Variants in L3MBTL3 observed in about 807,000 individuals in gnomAD.
L3MBTL3 encodes lethal(3)malignant brain tumor-like protein 3.
In L3MBTL3, 27 loss-of-function variants were observed where a neutral mutation model predicts 102.3. That is an observed-to-expected ratio of 0.26 (90% CI 0.19 to 0.36). L3MBTL3 has a LOEUF of 0.36. Ranked by LOEUF, L3MBTL3 falls within the 10% of genes least tolerant of loss-of-function variation. The pLI, the probability that L3MBTL3 is intolerant of heterozygous loss-of-function variation, is 1.00. For missense variants in L3MBTL3, 798 were observed against 955.3 expected, an observed-to-expected ratio of 0.84 and a Z score of 2.17; for synonymous variants, 340 against 320.9, an observed-to-expected ratio of 1.06 and a Z score of -0.64.
chr6:130,118,605 T>G (rs1249787511), intron 19 of L3MBTL3, among the ~76,000 whole-genome samples: 1 of 152,224 alleles, frequency 6.6e-6, no homozygotes, highest in Non-Finnish European at 1.5e-5. Context: ...AATCAATACA[T>G]TAACCTGAAA....
intron 2 of L3MBTL3, among the ~76,000 whole-genome samples, chr6:130,031,416 G>T (rs1306684418): frequency 3.3e-5 from 5 of 152,228 alleles, no homozygotes; most frequent in Non-Finnish European, 5.9e-5. Context: ...TGTGATAATA[G>T]TGCCAAGGCT....
At chr6:130,071,269 T>C in intron 13 of L3MBTL3, 142 bp downstream of exon 13, 2 of 711,788 alleles carry the variant, frequency 2.8e-6, no homozygotes, top group Admixed American at 2.9e-5. Context: ...TTTAATTTTT[T>C]ACCTGTTCCA....
intron 22 of L3MBTL3, among the ~76,000 whole-genome samples, chr6:130,134,283 C>T (rs369807983): frequency 6.6e-6 from 1 of 152,138 alleles, no homozygotes; most frequent in Non-Finnish European, 1.5e-5. Flanking sequence ...ATTTTATTTT[C>T]CAGTGTCATT....
At chr6:130,085,108 C>A (rs1255192607) in intron 15 of L3MBTL3, among the ~76,000 whole-genome samples, 2 of 152,156 alleles carry the variant, frequency 1.3e-5, no homozygotes, top group African/African-American at 4.8e-5. Context: ...GGATTACAGG[C>A]ATGAGCCACC....
At chr6:130,126,409 A>T (rs1189698878) in intron 20 of L3MBTL3, among the ~76,000 whole-genome samples, 1 of 152,102 alleles carries the variant, frequency 6.6e-6, no homozygotes, top group East Asian at 1.9e-4. Context: ...CCCTAATGGA[A>T]ACAGTCTGGT....
At chr6:130,022,474 A>G (rs1779077182) in intron 2 of L3MBTL3, among the ~76,000 whole-genome samples, 169 bp downstream of exon 2, 1 of 152,220 alleles carries the variant, frequency 6.6e-6, no homozygotes, top group African/African-American at 2.4e-5. Flanking sequence ...TGTAGTTTGG[A>G]TGAAACATTA....
At chr6:130,029,059 C>G (rs1452733661) in intron 2 of L3MBTL3, among the ~76,000 whole-genome samples, 1 of 152,128 alleles carries the variant, frequency 6.6e-6, no homozygotes, top group South Asian at 2.1e-4. Flanking sequence ...TTTATCAATA[C>G]CTACTATAGA....
chr6:130,131,473 CT>C (rs1404256814), intron 20 of L3MBTL3, among the ~76,000 whole-genome samples: 1 of 152,166 alleles, frequency 6.6e-6, no homozygotes, highest in Non-Finnish European at 1.5e-5. Context: ...GAGTTTCACT[CT>C]TTGGTATATG....
chr6:130,113,673 C>G (rs978592829), intron 19 of L3MBTL3, among the ~76,000 whole-genome samples: 1 of 152,220 alleles, frequency 6.6e-6, no homozygotes, highest in Admixed American at 6.5e-5. Context: ...AAAATGGCTT[C>G]TCAAGTTGTA....
chr6:130,034,503 A>G (rs1199215910), intron 2 of L3MBTL3, among the ~76,000 whole-genome samples: 3 of 152,176 alleles, frequency 2.0e-5, no homozygotes, highest in Non-Finnish European at 4.4e-5. Flanking sequence ...TGTTCGCACA[A>G]TGTGTCTGAG....
chr6:130,051,150 T>C (rs1236395675), intron 5 of L3MBTL3, 99 bp from the exon 6 acceptor site: 2 of 959,736 alleles, frequency 2.1e-6, no homozygotes, highest in Non-Finnish European at 1.6e-6. Flanking sequence ...CTATTCTTTA[T>C]TGTGTTGCTA....
intron 13 of L3MBTL3, among the ~76,000 whole-genome samples, chr6:130,073,762 A>G (rs1281774103): frequency 6.6e-6 from 1 of 152,176 alleles, no homozygotes; most frequent in Non-Finnish European, 1.5e-5. Context: ...CCTGGATTCT[A>G]AAAAGATCCT....
intron 2 of L3MBTL3, among the ~76,000 whole-genome samples, chr6:130,026,194 A>G (rs1235397393): frequency 1.3e-5 from 2 of 152,150 alleles, no homozygotes; most frequent in Admixed American, 6.5e-5. Context: ...GATGCTTTAT[A>G]TTTATTTATT....
chr6:130,034,624 C>T (rs1474572775), intron 2 of L3MBTL3, among the ~76,000 whole-genome samples: 1 of 152,226 alleles, frequency 6.6e-6, no homozygotes, highest in African/African-American at 2.4e-5. Flanking sequence ...GTCATCAACA[C>T]TAGACTCAAC....
chr6:130,058,781 A>G lies in L3MBTL3; in HGVS notation c.760-1255A>G, dbSNP rs546222125. 2.0e-3 allele frequency among the ~76,000 whole-genome samples: 304 copies of G among 152,368 alleles called. 1 individual carries two copies. Among genetic ancestry groups the G allele is most frequent in the African/African-American group, 6.9e-3 (285 of 41,592 alleles). On this transcript the variant is annotated intron_variant, in intron 9 of 22. Coordinates refer to ENST00000361794, the MANE Select transcript of L3MBTL3 (RefSeq NM_032438.4). ...CTATGTTCCAGTAAGATTGTTTACA[A>G]AAACTCATGGTGCACTGGCTTTGAC...
rs543917032 is a variant in L3MBTL3, at chr6:130,039,091, A to G, written c.-15-3594A>G. 1.7e-4 allele frequency among the ~76,000 whole-genome samples: 26 copies of G among 152,246 alleles called. 1 individual carries two copies. The highest frequency in any genetic ancestry group is 6.0e-4 in the African/African-American group (25 of 41,560). On this transcript the variant is annotated intron_variant, in intron 2 of 22. Coordinates refer to ENST00000361794, the MANE Select transcript of L3MBTL3 (RefSeq NM_032438.4). ...TTAAAAATCTTGAATTTTTGAACAA[A>G]ATTTTCAAGCATATACAAAACTAGG...
intron 12 of L3MBTL3, 121 bp downstream of exon 12, chr6:130,068,542 C>T (rs1782424343): frequency 3.6e-6 from 2 of 558,428 alleles, no homozygotes; most frequent in East Asian, 5.6e-5. Flanking sequence ...AAATAGAGTA[C>T]TCTTATCTTA....
chr6:130,052,524 T>C (rs1284351615), intron 6 of L3MBTL3, among the ~76,000 whole-genome samples: 2 of 152,240 alleles, frequency 1.3e-5, no homozygotes, highest in African/African-American at 2.4e-5. Flanking sequence ...AAAACAAATA[T>C]CTCTAAATAA....
chr6:130,137,358 G>A (rs1188593096), intron 22 of L3MBTL3, among the ~76,000 whole-genome samples: 1 of 152,178 alleles, frequency 6.6e-6, no homozygotes, highest in Non-Finnish European at 1.5e-5. Context: ...CGAAAAAAAA[G>A]TAAGCCTTGT....
Sources: allele counts gnomAD v4.1 joint callset (sites outside exome capture counted in the v4.1 genomes callset), GRCh38; gene constraint gnomAD v4.1.1; transcripts MANE v1.5; gene names NCBI Gene and HGNC (gene_info 2026-07-23, HGNC 2026-07-21).